Variants in CSMD1 observed in about 807,000 individuals in gnomAD.
The protein encoded by CSMD1 is CUB and Sushi multiple domains 1.
In CSMD1, 213 loss-of-function variants were observed where a neutral mutation model predicts 417.5. The ratio of observed to expected loss-of-function variants is 0.51; its 90% CI spans 0.46 to 0.57. The LOEUF is 0.57. CSMD1 is among the 20% of genes least tolerant of loss of function. The pLI, the probability that CSMD1 is intolerant of heterozygous loss-of-function variation, is 0.00. For synonymous variants in CSMD1, 2,862 were observed against 1,736.8 expected, an observed-to-expected ratio of 1.65 and a Z score of -16.11; for missense variants, 6,923 against 4,529.7, an observed-to-expected ratio of 1.53 and a Z score of -15.17.
intron 5 of CSMD1, among the ~76,000 whole-genome samples, chr8:3,911,185 G>A (rs937894241): frequency 5.3e-5 from 8 of 152,118 alleles, no homozygotes; most frequent in East Asian, 1.9e-4. Context: ...GCTTCCAGAC[G>A]GGTCTCTGGG....
At chr8:4,960,717 G>C (rs1032815441) in intron 1 of CSMD1, among the ~76,000 whole-genome samples, 1 of 152,028 alleles carries the variant, frequency 6.6e-6, no homozygotes, top group East Asian at 1.9e-4. Flanking sequence ...TAGTCCGGTA[G>C]TTTCCTAAAA....
chr8:3,500,255 T>C (rs1026131296), intron 10 of CSMD1, among the ~76,000 whole-genome samples: 3 of 152,208 alleles, frequency 2.0e-5, no homozygotes, highest in Non-Finnish European at 4.4e-5. Context: ...ACTTGTCATT[T>C]TGGTTCCTCT....
intron 10 of CSMD1, among the ~76,000 whole-genome samples, chr8:3,516,319 G>T (rs924881713): frequency 6.6e-6 from 1 of 152,184 alleles, no homozygotes; most frequent in African/African-American, 2.4e-5. Context: ...TCCAAAGAAG[G>T]TCAACATAGC....
chr8:4,072,067 C>A (rs1030788573), intron 3 of CSMD1, among the ~76,000 whole-genome samples: 2 of 152,190 alleles, frequency 1.3e-5, no homozygotes, highest in South Asian at 2.1e-4. Context: ...GTTTTGCCAC[C>A]AGCACTGACA....
intron 7 of CSMD1, among the ~76,000 whole-genome samples, chr8:3,620,751 GA>G (rs745857968): frequency 5.3e-5 from 8 of 151,914 alleles, no homozygotes; most frequent in Non-Finnish European, 1.2e-4. Flanking sequence ...ACAAAGGAGG[GA>G]CAAAAATGCT....
At chr8:3,345,855 C>A (rs560611166) in intron 22 of CSMD1, among the ~76,000 whole-genome samples, 2 of 152,268 alleles carry the variant, frequency 1.3e-5, no homozygotes, top group South Asian at 2.1e-4. Context: ...CTATACCCTG[C>A]AGATTTATTT....
chr8:4,632,072 T>G (rs965858580), intron 2 of CSMD1, among the ~76,000 whole-genome samples: 4 of 152,144 alleles, frequency 2.6e-5, no homozygotes, highest in African/African-American at 9.7e-5. Flanking sequence ...AACTTCAAAT[T>G]TAGAAAACAT....
intron 2 of CSMD1, among the ~76,000 whole-genome samples, chr8:4,487,038 T>C (rs927033675): frequency 4.6e-5 from 7 of 152,172 alleles, no homozygotes; most frequent in Admixed American, 3.9e-4. Context: ...CTGAAGAGAA[T>C]TGTAATATCT....
intron 11 of CSMD1, among the ~76,000 whole-genome samples, chr8:3,478,290 C>G (rs561473106): frequency 6.6e-6 from 1 of 152,332 alleles, no homozygotes; most frequent in African/African-American, 2.4e-5. Flanking sequence ...TAATCCAAAC[C>G]TCTTGATCTT....
intron 18 of CSMD1, among the ~76,000 whole-genome samples, chr8:3,386,629 T>TA (rs1425234888): frequency 6.6e-6 from 1 of 152,220 alleles, no homozygotes; most frequent in Non-Finnish European, 1.5e-5. Context: ...TGAAAGGAAA[T>TA]ACCTTTGTCT....
chr8:4,648,060 C>T (rs1803648683), intron 1 of CSMD1, among the ~76,000 whole-genome samples: 1 of 152,214 alleles, frequency 6.6e-6, no homozygotes, highest in Non-Finnish European at 1.5e-5. Flanking sequence ...TATTTCTCCA[C>T]AGTCTCACAA....
chr8:3,275,568 A>G (rs766478227), intron 26 of CSMD1, among the ~76,000 whole-genome samples: 5 of 152,322 alleles, frequency 3.3e-5, no homozygotes, highest in East Asian at 1.9e-4. Flanking sequence ...AGGTACGACA[A>G]TCAGACGTAG....
intron 18 of CSMD1, among the ~76,000 whole-genome samples, chr8:3,382,278 G>C (rs183671860): frequency 6.7e-6 from 1 of 150,052 alleles, no homozygotes; most frequent in African/African-American, 2.4e-5. Flanking sequence ...CTGATTCCTA[G>C]TCAGCACTGG....
chr8:3,872,622 A>T (rs946756434), intron 5 of CSMD1, among the ~76,000 whole-genome samples: 7 of 152,162 alleles, frequency 4.6e-5, no homozygotes, highest in Admixed American at 4.6e-4. Context: ...CAGTTTCCAC[A>T]ATCCATTCAT....
intron 42 of CSMD1, among the ~76,000 whole-genome samples, chr8:3,115,194 T>TCCCCC (rs5888947): frequency 1.2e-4 from 13 of 109,084 alleles, no homozygotes; most frequent in Non-Finnish European, 2.5e-4. Flanking sequence ...ACAATTACAA[T>TCCCCC]CCCCCCCCCC....
At chr8:3,297,221 T>A (rs899822079) in intron 25 of CSMD1, among the ~76,000 whole-genome samples, 2 of 152,032 alleles carry the variant, frequency 1.3e-5, no homozygotes, top group Non-Finnish European at 2.9e-5. Context: ...GACCAGAAAG[T>A]TCAGTATTAT....
In CSMD1 at chr8:3,462,771, C is replaced by A. The variant is rs145866385; in HGVS notation, c.1561+5941G>T. Among the ~76,000 whole-genome samples the A allele has an allele frequency of 3.9e-5, 6 of 151,934 alleles. No individual in the cohort carries two copies. In the East Asian group the frequency reaches 1.2e-3, roughly 30 times the overall value. ...AAAAACTGTCTACCTTAAAACCGGTCCCTTGTGCCAAAAAGGCTGGGGACT... is the reference window on the plus strand; with the variant it reads ...AAAAACTGTCTACCTTAAAACCGGTACCTTGTGCCAAAAAGGCTGGGGACT... On this transcript the variant is annotated intron_variant, in intron 12 of 69. Transcript: ENST00000635120.
At chr8:4,064,085 A>G (rs1799118807) in intron 3 of CSMD1, among the ~76,000 whole-genome samples, 2 of 152,286 alleles carry the variant, frequency 1.3e-5, no homozygotes, top group Non-Finnish European at 2.9e-5. Context: ...GCCCATGTGA[A>G]ATGCGAATCT....
At chr8:4,205,803 G>C (rs193218915) in intron 3 of CSMD1, among the ~76,000 whole-genome samples, 1 of 151,878 alleles carries the variant, frequency 6.6e-6, no homozygotes, top group Non-Finnish European at 1.5e-5. Flanking sequence ...ATATTTGTGG[G>C]GGTAAAAATG....
Sources: gnomAD v4.1 joint callset for allele counts (sites outside exome capture counted in the v4.1 genomes callset) on GRCh38, gnomAD v4.1.1 for gene constraint, MANE v1.5 for transcripts, NCBI Gene and HGNC (gene_info 2026-07-23, HGNC 2026-07-21) for gene names.